Variants in CNTNAP2 observed in about 807,000 individuals in gnomAD.
The protein encoded by CNTNAP2 is contactin associated protein 2.
CNTNAP2 carries 98 observed loss-of-function variants against 155.2 expected under a neutral mutation model. That is an observed-to-expected ratio of 0.63 (90% CI 0.54 to 0.75). The LOEUF is 0.75. Ranked by LOEUF, CNTNAP2 falls within the 30% of genes least tolerant of loss-of-function variation. The pLI, the probability that CNTNAP2 is intolerant of heterozygous loss-of-function variation, is 0.00. For synonymous variants in CNTNAP2, 651 were observed against 631.2 expected (o/e 1.03, Z -0.47); for missense variants, 1,727 against 1,688.1 (o/e 1.02, Z -0.40).
At chr7:147,638,696 C>T (rs1795223197) in intron 12 of CNTNAP2, 4 of 376,092 alleles carry the variant, frequency 1.1e-5, no homozygotes, top group Non-Finnish European at 2.1e-5. Flanking sequence ...GACTCAGAGG[C>T]TTGAAAGAGA....
chr7:146,845,872 C>T (rs1585119530), intron 3 of CNTNAP2, among the ~76,000 whole-genome samples: 1 of 152,168 alleles, frequency 6.6e-6, no homozygotes, highest in Non-Finnish European at 1.5e-5. Context: ...CTGTTACCAT[C>T]ATGATGGCCT....
At chr7:147,075,831 T>C (rs1169793412) in intron 4 of CNTNAP2, among the ~76,000 whole-genome samples, 2 of 152,078 alleles carry the variant, frequency 1.3e-5, no homozygotes, top group African/African-American at 4.8e-5. Context: ...CCACCCTGTG[T>C]CCAAATATTC....
chr7:147,677,369 T>A (rs1008528730), intron 13 of CNTNAP2, among the ~76,000 whole-genome samples: 3 of 151,970 alleles, frequency 2.0e-5, no homozygotes, highest in African/African-American at 7.2e-5. Context: ...TCTTTGTTTG[T>A]TCTGCCATTG....
intron 13 of CNTNAP2, among the ~76,000 whole-genome samples, chr7:147,639,579 G>A (rs531379381): frequency 3.3e-5 from 5 of 152,304 alleles, no homozygotes; most frequent in Non-Finnish European, 7.3e-5. Flanking sequence ...GTCAGTAGTG[G>A]CTGTGGGACA....
At chr7:146,233,712 G>A (rs1449101573) in intron 1 of CNTNAP2, among the ~76,000 whole-genome samples, 5 of 151,894 alleles carry the variant, frequency 3.3e-5, no homozygotes, top group East Asian at 1.9e-4. Context: ...GAGAATATGC[G>A]GTGTTTGGTT....
At chr7:147,199,301 A>G (rs1011699377) in intron 8 of CNTNAP2, among the ~76,000 whole-genome samples, 41 of 152,116 alleles carry the variant, frequency 2.7e-4, no homozygotes, top group Non-Finnish European at 5.4e-4. Flanking sequence ...GTTAAGGGCA[A>G]ATACAGGTTC....
intron 21 of CNTNAP2, among the ~76,000 whole-genome samples, chr7:148,358,338 G>T (rs1042873936): frequency 9.2e-5 from 14 of 152,338 alleles, no homozygotes; most frequent in African/African-American, 3.4e-4. Flanking sequence ...GATGAAATGG[G>T]GGGAAGAAGG....
chr7:147,513,509 C>T (rs1372325699), intron 11 of CNTNAP2, among the ~76,000 whole-genome samples: 1 of 152,164 alleles, frequency 6.6e-6, no homozygotes, highest in African/African-American at 2.4e-5. Context: ...TGCTGTAATG[C>T]TAAAAGGAGG....
intron 13 of CNTNAP2, among the ~76,000 whole-genome samples, chr7:147,647,379 A>C (rs1160415572): frequency 6.6e-6 from 1 of 151,852 alleles, no homozygotes; most frequent in African/African-American, 2.4e-5. Context: ...GTAAGAGGAC[A>C]CCCTTCTTTT....
At chr7:148,027,842 G>A (rs1392991957) in intron 15 of CNTNAP2, among the ~76,000 whole-genome samples, 3 of 152,072 alleles carry the variant, frequency 2.0e-5, no homozygotes, top group African/African-American at 7.2e-5. Context: ...TATTCCTGAG[G>A]TTGAAACACT....
At chr7:148,145,261 T>C (rs1368381054) in intron 16 of CNTNAP2, among the ~76,000 whole-genome samples, 5 of 152,202 alleles carry the variant, frequency 3.3e-5, no homozygotes, top group Admixed American at 6.5e-5. Flanking sequence ...TACGGCATCG[T>C]CCTGGCAACT....
chr7:147,918,481 G>A (rs918433966), intron 14 of CNTNAP2, among the ~76,000 whole-genome samples: 1 of 151,960 alleles, frequency 6.6e-6, no homozygotes, highest in African/African-American at 2.4e-5. Context: ...AAAGATAATG[G>A]GTGTGTACTA....
At chr7:147,601,755 C>A (rs1800951174) in intron 12 of CNTNAP2, among the ~76,000 whole-genome samples, 1 of 150,298 alleles carries the variant, frequency 6.7e-6, no homozygotes, top group South Asian at 2.1e-4. Context: ...TTACATTTCC[C>A]TAATTGTCCT....
intron 1 of CNTNAP2, among the ~76,000 whole-genome samples, chr7:146,718,383 C>T (rs910995845): frequency 5.9e-5 from 9 of 152,038 alleles, no homozygotes; most frequent in Non-Finnish European, 1.2e-4. Context: ...GGCTTGTTCA[C>T]AGCCTCATTG....
At chr7:147,347,463 T>TATATATATATGC (rs1795894171) in intron 9 of CNTNAP2, among the ~76,000 whole-genome samples, 1 of 67,870 alleles carries the variant, frequency 1.5e-5, no homozygotes, top group African/African-American at 3.4e-5. Flanking sequence ...TATGCATATA[T>TATATATATATGC]ATATATATAT....
At chr7:147,160,021 G>A (rs1466777486) in intron 8 of CNTNAP2, among the ~76,000 whole-genome samples, 1 of 151,796 alleles carries the variant, frequency 6.6e-6, no homozygotes, top group Non-Finnish European at 1.5e-5. Flanking sequence ...AAATATAATT[G>A]GTAAGAACCT....
chr7:148,016,917 G>A (rs867207586), intron 15 of CNTNAP2, among the ~76,000 whole-genome samples: 2 of 152,102 alleles, frequency 1.3e-5, no homozygotes, highest in African/African-American at 4.8e-5. Flanking sequence ...TAGATGCTAT[G>A]GATAGAGCAT....
intron 18 of CNTNAP2, among the ~76,000 whole-genome samples, chr7:148,182,943 T>A (rs1795061211): frequency 6.6e-6 from 1 of 152,248 alleles, no homozygotes; most frequent in Non-Finnish European, 1.5e-5. Flanking sequence ...AGACTCTCAA[T>A]TAAATTAAAT....
chr7:147,424,724 C>G (rs901776624), intron 10 of CNTNAP2, among the ~76,000 whole-genome samples: 2 of 152,162 alleles, frequency 1.3e-5, no homozygotes, highest in African/African-American at 2.4e-5. Flanking sequence ...TAACAAACAT[C>G]TCAAACTCTT....
Sources: allele counts gnomAD v4.1 joint callset (sites outside exome capture counted in the v4.1 genomes callset), GRCh38; gene constraint gnomAD v4.1.1; transcripts MANE v1.5; gene names NCBI Gene and HGNC (gene_info 2026-07-23, HGNC 2026-07-21).